Variants in METTL2B observed in about 807,000 individuals in gnomAD.
METTL2B encodes the protein methyltransferase 2B, tRNA N3-cytidine.
Under a neutral mutation model 51.0 loss-of-function variants are expected in METTL2B, and 28 were observed. That is an observed-to-expected ratio of 0.55 (90% CI 0.41 to 0.75). The LOEUF (loss-of-function observed/expected upper bound fraction) is 0.75, where lower values mean the gene tolerates loss of function less well. Ranked by LOEUF, METTL2B falls within the 30% of genes least tolerant of loss-of-function variation. The pLI is 0.00. For missense variants in METTL2B, 313 were observed against 460.7 expected, an observed-to-expected ratio of 0.68 and a Z score of 2.93; for synonymous variants, 128 against 166.3, an observed-to-expected ratio of 0.77 and a Z score of 1.77.
chr7:128,493,093 A>G (rs1308820786), intron 5 of METTL2B, among the ~76,000 whole-genome samples: 6 of 152,190 alleles, frequency 3.9e-5, no homozygotes, highest in Non-Finnish European at 7.3e-5. Flanking sequence ...AAACGCAACT[A>G]TTAGATTCCT....
intron 4 of METTL2B, among the ~76,000 whole-genome samples, chr7:128,481,665 C>T (rs1232146760): frequency 6.6e-6 from 1 of 152,158 alleles, no homozygotes; most frequent in South Asian, 2.1e-4. Context: ...AGTTTTGAGA[C>T]AAGCTCTTGT....
At chr7:128,498,580 TA>T (rs2116866413) in intron 7 of METTL2B, among the ~76,000 whole-genome samples, 1 of 152,162 alleles carries the variant, frequency 6.6e-6, no homozygotes, top group African/African-American at 2.4e-5. Context: ...ACTCCTTATA[TA>T]AAGCCATTTA....
At position 128,502,544 on chromosome 7, in the gene METTL2B, A is replaced by G; in HGVS notation, c.*628A>G. Reference sequence around the variant, plus strand: ...ATATTTTCCTGACAAGAAAAAAATGACCCTGTAGACAGCATCAAAATGTGG... The same window carrying G: ...ATATTTTCCTGACAAGAAAAAAATGGCCCTGTAGACAGCATCAAAATGTGG... On this transcript the variant is annotated 3_prime_UTR_variant, in exon 9 of 9. Coordinates refer to ENST00000262432, the MANE Select transcript of METTL2B (RefSeq NM_018396.3). The G allele has an allele frequency of 6.8e-6, 3 of 441,928 alleles. No homozygotes were observed. Among genetic ancestry groups the G allele is most frequent in the Non-Finnish European group, 1.3e-5 (3 of 223,214 alleles). The allele number at this position is 441,928 out of a possible 1,614,324, so 27.4% of individuals were successfully genotyped here.
intron 6 of METTL2B, among the ~76,000 whole-genome samples, chr7:128,497,252 T>A (rs1165799998): frequency 6.6e-6 from 1 of 152,220 alleles, no homozygotes; most frequent in African/African-American, 2.4e-5. Context: ...GCATACTGAT[T>A]GTATTGCCAT....
At chr7:128,500,846 G>A in intron 7 of METTL2B, 57 bp from the exon 8 acceptor site, 2 of 1,603,570 alleles carry the variant, frequency 1.2e-6, no homozygotes. Context: ...TTCCTTAGCA[G>A]TGCAAGTCAA....
chr7:128,483,569 T>C (rs1282512583), intron 4 of METTL2B, among the ~76,000 whole-genome samples: 1 of 152,236 alleles, frequency 6.6e-6, no homozygotes, highest in East Asian at 1.9e-4. Flanking sequence ...TTCGAGACAG[T>C]CTCACTCTGT....
chr7:128,489,088 T>C (rs879317641), intron 5 of METTL2B, among the ~76,000 whole-genome samples: 6 of 151,664 alleles, frequency 4.0e-5, no homozygotes, highest in Non-Finnish European at 7.4e-5. Flanking sequence ...GCACTCCAGC[T>C]AGACGACAGA....
chr7:128,482,288 G>A (rs1799881690), intron 4 of METTL2B, among the ~76,000 whole-genome samples: 1 of 151,996 alleles, frequency 6.6e-6, no homozygotes, highest in Admixed American at 6.6e-5. Flanking sequence ...CTAGTAGCTG[G>A]GATTAAGGGT....
At chr7:128,490,969 T>C (rs1304328425) in intron 5 of METTL2B, among the ~76,000 whole-genome samples, 2 of 151,822 alleles carry the variant, frequency 1.3e-5, no homozygotes, top group African/African-American at 4.8e-5. Flanking sequence ...GATACCAGCC[T>C]GACCAATATG....
At position 128,484,232 on chromosome 7, in the gene METTL2B, T is replaced by TTTGTTTTTTTTGTTTTTTTTTTGTTG. The variant is rs1554428845; in HGVS notation, c.608+3538_608+3539insGTTTTTTTTGTTTTTTTTTTGTTGTT. 9 of 83,558 alleles carry TTTGTTTTTTTTGTTTTTTTTTTGTTG rather than the reference T, an allele frequency of 1.1e-4. 1 individual carries two copies. Among genetic ancestry groups the TTTGTTTTTTTTGTTTTTTTTTTGTTG allele is most frequent in the African/African-American group, 4.5e-4 (9 of 20,082 alleles). 5.2% of individuals were successfully genotyped at this position (83,558 alleles called of 1,614,324 possible). The stretch of plus-strand genomic sequence containing the variant: ...TGCCTAGATCCTTTTTTTTTTTTTT[T>TTTGTTTTTTTTGTTTTTTTTTTGTTG]TTTTTTTTTTTTTGAGACAGGATTT... On this transcript the variant is annotated intron_variant, in intron 4 of 8. Coordinates refer to ENST00000262432, the MANE Select transcript of METTL2B (RefSeq NM_018396.3).
intron 7 of METTL2B, among the ~76,000 whole-genome samples, chr7:128,499,398 G>C (rs1038680767): frequency 1.6e-4 from 24 of 152,150 alleles, no homozygotes; most frequent in Non-Finnish European, 3.1e-4. Context: ...TGTTGCCCAG[G>C]CTGGAGCGCA....
intron 5 of METTL2B, among the ~76,000 whole-genome samples, chr7:128,490,678 C>T (rs575417480): frequency 6.6e-6 from 1 of 152,270 alleles, no homozygotes; most frequent in Non-Finnish European, 1.5e-5. Context: ...CAGTCCCTTA[C>T]AAGCTCACCC....
intron 5 of METTL2B, among the ~76,000 whole-genome samples, chr7:128,491,297 A>G (rs2116857025): frequency 6.6e-6 from 1 of 151,778 alleles, no homozygotes; most frequent in Non-Finnish European, 1.5e-5. Context: ...TCTCTACTTT[A>G]AAAAACACAA....
chr7:128,493,780 C>G (rs1792876897), intron 5 of METTL2B, 24 bp from the exon 6 acceptor site: 1 of 1,592,100 alleles, frequency 6.3e-7, no homozygotes, highest in South Asian at 1.1e-5. Context: ...TTCTAACTTA[C>G]TTGTCTCTTC....
chr7:128,496,760 C>G (rs867600107), intron 6 of METTL2B, among the ~76,000 whole-genome samples: 4 of 149,086 alleles, frequency 2.7e-5, no homozygotes, highest in African/African-American at 7.4e-5. Context: ...GCTGCTTTTT[C>G]TTTGTTTGTT....
At chr7:128,495,965 T>C (rs975149661) in intron 6 of METTL2B, among the ~76,000 whole-genome samples, 2 of 152,166 alleles carry the variant, frequency 1.3e-5, no homozygotes, top group African/African-American at 4.8e-5. Flanking sequence ...CCTGCAAAGA[T>C]GATTAAGTAA....
chr7:128,488,373 CTG>C (rs1372611955), intron 5 of METTL2B: 7 of 789,048 alleles, frequency 8.9e-6, no homozygotes, highest in Non-Finnish European at 1.5e-5. Context: ...TATTGAAAGT[CTG>C]TGGCAACCCT....
At chr7:128,488,554 T>C (rs1344710982) in intron 5 of METTL2B, 1 of 460,078 alleles carries the variant, frequency 2.2e-6, no homozygotes, top group African/African-American at 2.0e-5. Flanking sequence ...AAATCACATC[T>C]GTGTAAGACG....
At chr7:128,495,592 G>A (rs1355575015) in intron 6 of METTL2B, among the ~76,000 whole-genome samples, 1 of 151,954 alleles carries the variant, frequency 6.6e-6, no homozygotes, top group Non-Finnish European at 1.5e-5. Flanking sequence ...CTGGGATTCA[G>A]ACAAGCACCA....
Sources: allele counts gnomAD v4.1 joint callset (sites outside exome capture counted in the v4.1 genomes callset), GRCh38; gene constraint gnomAD v4.1.1; transcripts MANE v1.5; gene names NCBI Gene and HGNC (gene_info 2026-07-23, HGNC 2026-07-21).